EAPP: variants seen among roughly 807,000 people sequenced by gnomAD.
EAPP encodes E2F associated phosphoprotein.
EAPP carries 38 observed loss-of-function variants against 34.3 expected under a neutral mutation model. That is an observed-to-expected ratio of 1.11 (90% CI 0.85 to 1.45). The LOEUF (loss-of-function observed/expected upper bound fraction) is 1.45, where lower values mean the gene tolerates loss of function less well. Among genes scored for constraint, EAPP ranks in the 40% most tolerant of loss-of-function variants. The probability of loss-of-function intolerance (pLI) is 0.00; values close to 1 mark genes in which losing one functional copy is unlikely to be tolerated. For synonymous variants in EAPP, 113 were observed against 117.6 expected, an observed-to-expected ratio of 0.96 and a Z score of 0.25; for missense variants, 338 against 343.7, an observed-to-expected ratio of 0.98 and a Z score of 0.13.
intron 3 of EAPP, among the ~76,000 whole-genome samples, chr14:34,530,186 G>A (rs1392458041): frequency 2.0e-5 from 3 of 151,710 alleles, no homozygotes; most frequent in South Asian, 2.1e-4. Flanking sequence ...GGCAACAAGA[G>A]CAAAACTCCG....
intron 5 of EAPP, among the ~76,000 whole-genome samples, chr14:34,516,864 A>T (rs1415716337): frequency 2.7e-5 from 4 of 150,742 alleles, no homozygotes; most frequent in Non-Finnish European, 1.5e-5. Flanking sequence ...CCACTGCACC[A>T]GGCAGAAGAA....
rs779887762 is a variant in EAPP at position 34,516,427 on chromosome 14, C to G, written c.741G>C (p.Glu247Asp). The G allele has an allele frequency of 2.5e-5, 40 of 1,614,088 alleles. No individual in the cohort carries two copies. The highest frequency in any genetic ancestry group is 3.2e-5 in the Non-Finnish European group (38 of 1,180,036). The change falls in exon 6 of 6, where the codon GAG becomes GAC. Residue 247 changes from glutamate (E) to aspartate (D), a missense_variant. Transcript: ENST00000250454. ...GGTGATAGATTTCTTCCACATCTGT[C>G]TCTGCCTTCTCGGCAGCATCTTCCC... ...SNREDAAEKA[E>D]TDVEEIYHPV...
rs765064665 is a variant in EAPP, at chr14:34,536,200, G to A, written c.150C>T (p.Thr50=). The change falls in exon 2 of 6, where the codon ACC becomes ACT. Residue 50 remains threonine, a synonymous_variant. Transcript: ENST00000250454. ...QKRKLIRECL[T]GESESSSEDE... is the part of the protein sequence containing the mutation. Reference sequence around the variant, plus strand: ...CTTCACTAGATGATTCACTTTCTCCGGTAAGACATTCTCTGATGAGTTTTC... The same window carrying A: ...CTTCACTAGATGATTCACTTTCTCCAGTAAGACATTCTCTGATGAGTTTTC... 2.1e-5 allele frequency: 34 copies of A among 1,612,000 alleles called. No individual in the cohort carries two copies. Among genetic ancestry groups the A allele is most frequent in the Admixed American group, 8.4e-5 (5 of 59,642 alleles).
chr14:34,516,229 G>C lies in EAPP; in HGVS notation c.*81C>G. Reference sequence around the variant, plus strand: ...CACTGCTTCCTCAATGTCACTGAAGGATATGAACAGGCAAGAGGAAAGTAA... The same window carrying C: ...CACTGCTTCCTCAATGTCACTGAAGCATATGAACAGGCAAGAGGAAAGTAA... On this transcript the variant is annotated 3_prime_UTR_variant, in exon 6 of 6. Transcript: ENST00000250454. 1 of 1,317,094 alleles carries C rather than the reference G, an allele frequency of 7.6e-7. No individual in the cohort carries two copies. Among genetic ancestry groups the C allele is most frequent in the Non-Finnish European group, 1.0e-6 (1 of 962,394 alleles). 81.6% of individuals were successfully genotyped at this position (1,317,094 alleles called of 1,614,324 possible). A position where few individuals can be genotyped will look rare whatever the true frequency, so the allele number is the denominator to read the frequency against.
At chr14:34,537,258 G>C (rs1417178470) in intron 1 of EAPP, among the ~76,000 whole-genome samples, 1 of 152,176 alleles carries the variant, frequency 6.6e-6, no homozygotes, top group Non-Finnish European at 1.5e-5. Flanking sequence ...TGATTCTCCT[G>C]CCTTGGCCTT....
intron 2 of EAPP, among the ~76,000 whole-genome samples, chr14:34,535,318 C>T (rs1880433239): frequency 2.0e-5 from 3 of 149,884 alleles, no homozygotes; most frequent in African/African-American, 4.9e-5. Context: ...TTAGTAGAGA[C>T]GGGGTTTCGC....
intron 2 of EAPP, among the ~76,000 whole-genome samples, chr14:34,534,135 C>CT (rs533056088): frequency 0.048 from 6,776 of 141,576 alleles, 171 homozygotes; most frequent in Middle Eastern, 0.079. Context: ...GTCCTACTTC[C>CT]TTTTTTTTTT....
intron 5 of EAPP, among the ~76,000 whole-genome samples, chr14:34,521,368 G>A (rs1353031872): frequency 2.0e-5 from 3 of 152,022 alleles, no homozygotes; most frequent in Non-Finnish European, 4.4e-5. Flanking sequence ...ACCATCCCCA[G>A]CTACTGCTAT....
At chr14:34,523,468 G>C (rs6571661) in intron 5 of EAPP, among the ~76,000 whole-genome samples, 1 of 150,270 alleles carries the variant, frequency 6.7e-6, no homozygotes, top group East Asian at 2.0e-4. Flanking sequence ...CTCGTGATCC[G>C]CCCACCTCGG....
chr14:34,523,661 C>T (rs1361385014), intron 5 of EAPP, among the ~76,000 whole-genome samples: 2 of 151,406 alleles, frequency 1.3e-5, no homozygotes, highest in East Asian at 1.9e-4. Flanking sequence ...CTCAGCCTAT[C>T]GAGTAGCTGG....
Position 34,534,284 on chromosome 14 carries a change from C to T in EAPP, c.257-745G>A, listed in dbSNP as rs545535775. Among the ~76,000 whole-genome samples, 43 of 152,160 alleles carry T rather than the reference C, an allele frequency of 2.8e-4. No individual in the cohort carries two copies. In the South Asian group the frequency reaches 8.3e-3, roughly 29 times the overall value. ...AGTAGCTGGAATTATAGGCAACTGCCGTCACTCCCAGCTAATTTTTTGTGT... is the reference window on the plus strand; with the variant it reads ...AGTAGCTGGAATTATAGGCAACTGCTGTCACTCCCAGCTAATTTTTTGTGT... On this transcript the variant is annotated intron_variant, in intron 2 of 5. Transcript: ENST00000250454.
rs1488311575 is a variant in EAPP at position 34,524,861 on chromosome 14, T to G, written c.471-54A>C. 2.1e-6 allele frequency: 3 copies of G among 1,402,594 alleles called. No homozygotes were observed. In the Admixed American group the frequency reaches 5.1e-5, roughly 24 times the overall value. The allele number at this position is 1,402,594 out of a possible 1,614,324, so 86.9% of individuals were successfully genotyped here. ...AAACATATTAAAACCAGATCTTGGT[T>G]TCTAGTGTCATTTTCCAATAAAAAG... On this transcript the variant is annotated intron_variant, in intron 4 of 5. Transcript: ENST00000250454.
intron 5 of EAPP, among the ~76,000 whole-genome samples, chr14:34,518,469 G>T (rs1023652126): frequency 2.2e-4 from 33 of 150,696 alleles, no homozygotes; most frequent in Admixed American, 4.0e-4. Flanking sequence ...TGAGTAGCTA[G>T]ATTACAGGCA....
intron 3 of EAPP, among the ~76,000 whole-genome samples, chr14:34,531,932 C>T (rs570487842): frequency 5.8e-4 from 88 of 151,304 alleles, no homozygotes; most frequent in Non-Finnish European, 9.3e-4. Context: ...AAAAATTAGC[C>T]GGGTGTGGTG....
At chr14:34,520,980 T>TG (rs1879897982) in intron 5 of EAPP, among the ~76,000 whole-genome samples, 2 of 152,156 alleles carry the variant, frequency 1.3e-5, no homozygotes, top group African/African-American at 4.8e-5. Context: ...GTTATATGCC[T>TG]GGGGGTGGTT....
intron 3 of EAPP, among the ~76,000 whole-genome samples, chr14:34,531,020 G>C (rs1244612249): frequency 6.6e-6 from 1 of 151,198 alleles, no homozygotes; most frequent in Non-Finnish European, 1.5e-5. Flanking sequence ...ATGTATTCTA[G>C]CAGGCAGGGA....
intron 5 of EAPP, among the ~76,000 whole-genome samples, chr14:34,523,929 C>A (rs1293378162): frequency 6.6e-6 from 1 of 152,038 alleles, no homozygotes; most frequent in East Asian, 1.9e-4. Flanking sequence ...AATCTAAGTA[C>A]AGAACTTTAT....
intron 2 of EAPP, among the ~76,000 whole-genome samples, chr14:34,535,423 C>T (rs1431013222): frequency 1.4e-5 from 2 of 145,380 alleles, no homozygotes; most frequent in South Asian, 2.2e-4. Flanking sequence ...AGCCACTGCA[C>T]CCGGTCGCTA....
At chr14:34,522,822 T>TCTGTGTCTCTGGCTATCCTC (rs1477865704) in intron 5 of EAPP, among the ~76,000 whole-genome samples, 30 of 152,140 alleles carry the variant, frequency 2.0e-4, no homozygotes, top group Admixed American at 6.6e-5. Context: ...TGGCTATCCT[T>TCTGTGTCTCTGGCTATCCTC]CTTTGTCTCT....
Sources: allele counts gnomAD v4.1 joint callset (sites outside exome capture counted in the v4.1 genomes callset), GRCh38; gene constraint gnomAD v4.1.1; transcripts MANE v1.5; gene names NCBI Gene and HGNC (gene_info 2026-07-23, HGNC 2026-07-21).